Variants in RAB3C observed in about 807,000 individuals in gnomAD.
RAB3C encodes the protein ras-related protein Rab-3C.
A neutral mutation model predicts 26.4 loss-of-function variants in RAB3C; 17 were observed. The observed-to-expected ratio is 0.64, with a 90% CI of 0.44 to 0.97. RAB3C has a LOEUF of 0.97. Among genes scored for constraint, RAB3C ranks in the 50% least tolerant of loss-of-function variants. RAB3C has a pLI of 0.00. For missense variants in RAB3C, 242 were observed against 281.9 expected, an observed-to-expected ratio of 0.86 and a Z score of 1.01; for synonymous variants, 91 against 95.9, an observed-to-expected ratio of 0.95 and a Z score of 0.30.
intron 1 of RAB3C, among the ~76,000 whole-genome samples, chr5:58,594,410 A>G (rs2111663934): frequency 6.6e-6 from 1 of 152,310 alleles, no homozygotes; most frequent in Middle Eastern, 3.4e-3. Flanking sequence ...TGATGTGAAC[A>G]TTCTTTTATG....
At chr5:58,668,461 G>A (rs1323457053) in intron 2 of RAB3C, among the ~76,000 whole-genome samples, 1 of 152,092 alleles carries the variant, frequency 6.6e-6, no homozygotes, top group African/African-American at 2.4e-5. Flanking sequence ...GAAAATTTCT[G>A]TGGCACTCAG....
At chr5:58,661,142 G>A (rs1747898082) in intron 2 of RAB3C, among the ~76,000 whole-genome samples, 1 of 149,648 alleles carries the variant, frequency 6.7e-6, no homozygotes, top group African/African-American at 2.5e-5. Flanking sequence ...AATAAACATG[G>A]GATATTCATT....
intron 1 of RAB3C, among the ~76,000 whole-genome samples, chr5:58,587,820 G>T (rs1579800566): frequency 6.6e-6 from 1 of 152,054 alleles, no homozygotes; most frequent in East Asian, 1.9e-4. Flanking sequence ...ATTTTCCTGT[G>T]TCTCCTCTCT....
At chr5:58,732,040 G>A (rs980867236) in intron 3 of RAB3C, among the ~76,000 whole-genome samples, 2 of 151,794 alleles carry the variant, frequency 1.3e-5, no homozygotes, top group Non-Finnish European at 2.9e-5. Context: ...CTGAGGGGTT[G>A]CATAAAAGGT....
Position 58,813,609 on chromosome 5 carries a change from TATATATATATATATATATATATATAC to T in RAB3C, c.372-11427_372-11402del, listed in dbSNP as rs1247670665. Among the ~76,000 whole-genome samples the T allele has an allele frequency of 8.8e-3, 368 of 41,770 alleles. 9 individuals are homozygous for T. The highest frequency in any genetic ancestry group is 0.016 in the Non-Finnish European group (290 of 17,766). The allele number at this position is 41,770 out of a possible 152,430, so 27.4% of individuals were successfully genotyped here. On this transcript the variant is annotated intron_variant, in intron 3 of 4. Coordinates refer to ENST00000282878, the MANE Select transcript of RAB3C (RefSeq NM_138453.4). The stretch of plus-strand genomic sequence containing the variant: ...ATTTATATTTATATATATATATATA[TATATATATATATATATATATATATAC>T]ACACACACACACACATATACATATG...
intron 2 of RAB3C, among the ~76,000 whole-genome samples, chr5:58,665,752 C>A (rs1365867385): frequency 6.6e-6 from 1 of 152,124 alleles, no homozygotes; most frequent in Non-Finnish European, 1.5e-5. Context: ...TTCGTGGTAG[C>A]ATCATAGTGC....
At position 58,646,269 on chromosome 5, in the gene RAB3C, A is replaced by G. The variant is rs118007254; in HGVS notation, c.252+28399A>G. Among the ~76,000 whole-genome samples the G allele has an allele frequency of 1.6e-4, 25 of 152,256 alleles. No individual in the cohort carries two copies. In the East Asian group the frequency reaches 3.5e-3, roughly 21 times the overall value. ...GTTGTAACTGACACAAACAGCTTCT[A>G]TCTCAGTCTCTCGAGAAGCATAAAA... On this transcript the variant is annotated intron_variant, in intron 2 of 4. Transcript: ENST00000282878.
At chr5:58,696,653 T>G (rs559594613) in intron 2 of RAB3C, among the ~76,000 whole-genome samples, 89 of 152,128 alleles carry the variant, frequency 5.9e-4, no homozygotes, top group African/African-American at 1.7e-3. Flanking sequence ...ATCTTGGGAG[T>G]GTGTATGTGT....
At position 58,591,660 on chromosome 5, in the gene RAB3C, T is replaced by C. The variant is rs1185960204; in HGVS notation, c.24+8428T>C. On this transcript the variant is annotated intron_variant, in intron 1 of 4. Coordinates refer to ENST00000282878, the MANE Select transcript of RAB3C (RefSeq NM_138453.4). Reference sequence around the variant, plus strand: ...GTCTCTATATTTAAAGTGTGAATCTTGTGGTCAGTATAGAGTTGGGCTTTT... The same window carrying C: ...GTCTCTATATTTAAAGTGTGAATCTCGTGGTCAGTATAGAGTTGGGCTTTT... 2.7e-5 allele frequency among the ~76,000 whole-genome samples: 4 copies of C among 149,836 alleles called. No homozygotes were observed. The East Asian group carries it at 7.8e-4, about 29-fold the overall frequency.
rs143025845 is a variant in RAB3C, at chr5:58,818,914, T to G, written c.372-6124T>G. Among the ~76,000 whole-genome samples, 1,125 of 152,322 alleles carry G rather than the reference T, an allele frequency of 7.4e-3. 2 individuals are homozygous for G. Among genetic ancestry groups the G allele is most frequent in the Non-Finnish European group, 0.013 (876 of 68,034 alleles). On this transcript the variant is annotated intron_variant, in intron 3 of 4. Coordinates refer to ENST00000282878, the MANE Select transcript of RAB3C (RefSeq NM_138453.4). ...ATTCAACAAACATTTGTCATACCCC[T>G]GATAGACACATAAGGGGAAGGTCAT...
rs147945024 is a variant in RAB3C, at chr5:58,670,608, G to T, written c.252+52738G>T. Among the ~76,000 whole-genome samples, 183 of 152,290 alleles carry T rather than the reference G, an allele frequency of 1.2e-3. 2 individuals carry two copies. The highest frequency in any genetic ancestry group is 5.3e-4 in the Non-Finnish European group (36 of 68,022). ...AAAACATGCTGAAAAGTGTGGAAAT[G>T]TTATCAAAGACAAATTATACATTTA... On this transcript the variant is annotated intron_variant, in intron 2 of 4. Transcript: ENST00000282878.
In RAB3C at chr5:58,826,783, A is replaced by C. The variant is rs552432015; in HGVS notation, c.496+1621A>C. On this transcript the variant is annotated intron_variant, in intron 4 of 4. Transcript: ENST00000282878. ...AATGTGTCTCAATCTATAATTTGAA[A>C]AACACTGTTATAAAGGGGATGATTT... Among the ~76,000 whole-genome samples, 93 of 152,324 alleles carry C rather than the reference A, an allele frequency of 6.1e-4. 1 individual carries two copies. Among genetic ancestry groups the C allele is most frequent in the Non-Finnish European group, 1.1e-3 (73 of 68,028 alleles).
At chr5:58,800,929 C>A (rs546608020) in intron 3 of RAB3C, among the ~76,000 whole-genome samples, 3 of 152,162 alleles carry the variant, frequency 2.0e-5, no homozygotes, top group Non-Finnish European at 4.4e-5. Flanking sequence ...TTCTTCCCAC[C>A]TGGAATGATT....
intron 4 of RAB3C, among the ~76,000 whole-genome samples, chr5:58,828,979 C>T (rs890080605): frequency 2.0e-5 from 3 of 149,374 alleles, no homozygotes; most frequent in Non-Finnish European, 3.0e-5. Context: ...TCTCAGCTCA[C>T]TGCAACCCCT....
chr5:58,720,555 T>A (rs948624200), intron 2 of RAB3C, among the ~76,000 whole-genome samples: 2 of 151,914 alleles, frequency 1.3e-5, no homozygotes. Context: ...TTATGTCCAT[T>A]TGGAAACTCA....
intron 3 of RAB3C, among the ~76,000 whole-genome samples, chr5:58,781,577 G>T (rs1048304154): frequency 6.7e-6 from 1 of 150,164 alleles, no homozygotes; most frequent in African/African-American, 2.4e-5. Flanking sequence ...AAAAAAAAAA[G>T]TAGGGTTGGG....
At chr5:58,836,147 G>GA (rs955653801) in intron 4 of RAB3C, among the ~76,000 whole-genome samples, 1 of 151,968 alleles carries the variant, frequency 6.6e-6, no homozygotes, top group African/African-American at 2.4e-5. Flanking sequence ...TTTATCAATA[G>GA]AAAAAATACC....
intron 3 of RAB3C, among the ~76,000 whole-genome samples, chr5:58,747,058 C>T (rs566346326): frequency 1.3e-5 from 2 of 152,278 alleles, no homozygotes; most frequent in South Asian, 2.1e-4. Context: ...TTAAAACATA[C>T]CCTGAATACA....
chr5:58,723,726 C>A (rs1740823693), intron 2 of RAB3C, among the ~76,000 whole-genome samples: 1 of 151,754 alleles, frequency 6.6e-6, no homozygotes, highest in Non-Finnish European at 1.5e-5. Flanking sequence ...CTGTGTGCAA[C>A]ATGTTAGTTT....
Sources: allele counts gnomAD v4.1 joint callset (sites outside exome capture counted in the v4.1 genomes callset), GRCh38; gene constraint gnomAD v4.1.1; transcripts MANE v1.5; gene names NCBI Gene and HGNC (gene_info 2026-07-23, HGNC 2026-07-21).